The following ATP9B variants were observed in gnomAD, a reference collection of about 807,000 sequenced individuals.
ATP9B encodes ATPase phospholipid transporting 9B, also known as probable phospholipid-transporting ATPase IIB.
ATP9B carries 110 observed loss-of-function variants against 146.1 expected under a neutral mutation model. The observed-to-expected ratio is 0.75, with a 90% CI of 0.65 to 0.88. The LOEUF (loss-of-function observed/expected upper bound fraction) is 0.88. Among genes scored for constraint, ATP9B ranks in the 40% least tolerant of loss-of-function variants. The pLI is 0.00. For synonymous variants in ATP9B, 604 were observed against 569.7 expected (o/e 1.06, Z -0.86); for missense variants, 1,499 against 1,496.4 (o/e 1.00, Z -0.03).
chr18:79,188,436 A>G (rs1168324044), intron 8 of ATP9B, among the ~76,000 whole-genome samples: 1 of 152,116 alleles, frequency 6.6e-6, no homozygotes, highest in East Asian at 1.9e-4. Flanking sequence ...GTTATAATCA[A>G]CTGTGGTTCC....
intron 11 of ATP9B, among the ~76,000 whole-genome samples, chr18:79,243,614 C>G (rs990713695): frequency 6.6e-6 from 1 of 152,196 alleles, no homozygotes; most frequent in Non-Finnish European, 1.5e-5. Context: ...TGTGCTGATT[C>G]TGATACACCT....
chr18:79,373,296 T>G (rs2097083345), intron 27 of ATP9B, among the ~76,000 whole-genome samples: 3 of 152,320 alleles, frequency 2.0e-5, no homozygotes, highest in Middle Eastern at 6.8e-3. Flanking sequence ...TCAGATATAT[T>G]AATTACATGC....
Position 79,377,289 on chromosome 18 carries a change from C to T in ATP9B, c.3350C>T (p.Ser1117Leu), listed in dbSNP as rs765618395. ...ITTVTFLWKV[S>L]AITVVSCLPL... ...ACCGTGACCTTCCTGTGGAAAGTGT[C>T]GGCGATCACCGTGGTCAGCTGCCTC... Residue 1117 changes from serine to leucine, a missense_variant, in exon 30 of 30, where the codon TCG (serine) becomes TTG (leucine). Ser to Leu is a moderately radical substitution (Grantham distance 145, BLOSUM62 -2). Coordinates refer to ENST00000426216, the MANE Select transcript of ATP9B (RefSeq NM_198531.5). 21 of 1,612,346 alleles carry T rather than the reference C, an allele frequency of 1.3e-5. No individual in the cohort carries two copies. The highest frequency in any genetic ancestry group is 1.1e-4 in the African/African-American group (8 of 74,906).
chr18:79,139,623 C>A (rs2094490264), intron 5 of ATP9B, among the ~76,000 whole-genome samples: 2 of 152,160 alleles, frequency 1.3e-5, no homozygotes, highest in African/African-American at 4.8e-5. Context: ...GGGTAATAAT[C>A]ACATCAGGGT....
chr18:79,087,969 T>G (rs1358839308), intron 1 of ATP9B, among the ~76,000 whole-genome samples: 1 of 152,232 alleles, frequency 6.6e-6, no homozygotes, highest in African/African-American at 2.4e-5. Flanking sequence ...ACCAATTAAG[T>G]GTGTATGACA....
chr18:79,331,479 T>A (rs2147145304), intron 17 of ATP9B, among the ~76,000 whole-genome samples: 1 of 152,346 alleles, frequency 6.6e-6, no homozygotes, highest in East Asian at 1.9e-4. Context: ...TTCACAAAGA[T>A]AACTTTATTA....
intron 13 of ATP9B, among the ~76,000 whole-genome samples, chr18:79,288,502 G>A (rs1032696063): frequency 4.6e-5 from 7 of 152,000 alleles, no homozygotes; most frequent in African/African-American, 1.7e-4. Flanking sequence ...TTGAGCCTAT[G>A]TCTGTCTCTG....
At chr18:79,149,051 C>A (rs1009903188) in intron 6 of ATP9B, among the ~76,000 whole-genome samples, 1 of 152,190 alleles carries the variant, frequency 6.6e-6, no homozygotes. Flanking sequence ...AGACCCATCT[C>A]TTTTCGATTG....
intron 13 of ATP9B, among the ~76,000 whole-genome samples, chr18:79,302,820 C>T (rs1333924927): frequency 6.6e-6 from 1 of 152,150 alleles, no homozygotes; most frequent in Non-Finnish European, 1.5e-5. Context: ...TCTGGAATAT[C>T]CATTTCTGTT....
At chr18:79,365,881 G>T (rs371532096) in intron 26 of ATP9B, among the ~76,000 whole-genome samples, 11 of 152,222 alleles carry the variant, frequency 7.2e-5, no homozygotes, top group African/African-American at 2.6e-4. Flanking sequence ...ACATCTCCGT[G>T]GACGGGGACA....
chr18:79,210,311 C>A (rs780780544), intron 10 of ATP9B, among the ~76,000 whole-genome samples: 98 of 152,334 alleles, frequency 6.4e-4, no homozygotes, highest in African/African-American at 2.1e-3. Flanking sequence ...GCAAGGTTGA[C>A]AAAAGTGTGA....
At chr18:79,174,586 T>G (rs2095131719) in intron 7 of ATP9B, among the ~76,000 whole-genome samples, 1 of 152,144 alleles carries the variant, frequency 6.6e-6, no homozygotes, top group South Asian at 2.1e-4. Flanking sequence ...TCTCTTTCTT[T>G]GTTTTTTATT....
In ATP9B at chr18:79,071,066, T is replaced by TTTTTTTG. The variant is rs371797213; in HGVS notation, c.119+1537_119+1538insTTTTTTG. ...TCCTGTTTCTTTTTTTTTTTTTTTT[T>TTTTTTTG]GCCACTTTTTGGGTTACTTGGACAC... On this transcript the variant is annotated intron_variant, in intron 1 of 29. Coordinates refer to ENST00000426216, the MANE Select transcript of ATP9B (RefSeq NM_198531.5). 7.8e-4 allele frequency among the ~76,000 whole-genome samples: 116 copies of TTTTTTTG among 149,568 alleles called. 2 individuals carry two copies. Among genetic ancestry groups the TTTTTTTG allele is most frequent in the African/African-American group, 2.7e-3 (109 of 40,660 alleles).
chr18:79,277,440 C>T (rs1276741147), intron 13 of ATP9B, among the ~76,000 whole-genome samples: 2 of 151,970 alleles, frequency 1.3e-5, no homozygotes, highest in African/African-American at 4.8e-5. Flanking sequence ...CTTTAAGTAA[C>T]ATATTTCTGT....
At chr18:79,072,842 G>A (rs1301729679) in intron 1 of ATP9B, among the ~76,000 whole-genome samples, 4 of 151,994 alleles carry the variant, frequency 2.6e-5, no homozygotes, top group African/African-American at 7.2e-5. Flanking sequence ...CAGATGGGGC[G>A]GCCGGGCAGA....
At chr18:79,179,091 G>T (rs2095218256) in intron 8 of ATP9B, among the ~76,000 whole-genome samples, 1 of 152,072 alleles carries the variant, frequency 6.6e-6, no homozygotes, top group Non-Finnish European at 1.5e-5. Context: ...TCAGAGAATT[G>T]GTTCATTTCA....
At chr18:79,254,148 A>AT (rs1385383198) in intron 12 of ATP9B, 1 of 152,236 alleles carries the variant, frequency 6.6e-6, no homozygotes, top group Non-Finnish European at 1.5e-5. Flanking sequence ...TATATGATTT[A>AT]AAATTTTCAT....
intron 2 of ATP9B, among the ~76,000 whole-genome samples, chr18:79,109,169 A>G (rs1466424734): frequency 2.6e-5 from 4 of 152,222 alleles, no homozygotes; most frequent in Admixed American, 2.6e-4. Context: ...AGCCTTGAAT[A>G]CAATTAGAAG....
chr18:79,131,148 A>G (rs1309564308), intron 5 of ATP9B, among the ~76,000 whole-genome samples: 1 of 152,188 alleles, frequency 6.6e-6, no homozygotes, highest in Non-Finnish European at 1.5e-5. Context: ...GCGAAAGAGC[A>G]AGACTCCGTC....
Sources: gnomAD v4.1 joint callset for allele counts (sites outside exome capture counted in the v4.1 genomes callset) on GRCh38, gnomAD v4.1.1 for gene constraint, MANE v1.5 for transcripts, NCBI Gene and HGNC (gene_info 2026-07-23, HGNC 2026-07-21) for gene names.